The following DLG1 variants were observed in gnomAD, a reference collection of about 807,000 sequenced individuals.
DLG1 encodes the protein discs large MAGUK scaffold protein 1, also known as disks large homolog 1.
Under a neutral mutation model 123.4 loss-of-function variants are expected in DLG1, and 42 were observed. The ratio of observed to expected loss-of-function variants is 0.34; its 90% CI spans 0.27 to 0.44. The LOEUF is 0.44. DLG1 is among the 20% of genes least tolerant of loss of function. The pLI, the probability that DLG1 is intolerant of heterozygous loss-of-function variation, is 1.00. For synonymous variants in DLG1, 317 were observed against 356.2 expected (o/e 0.89, Z 1.24); for missense variants, 942 against 1,082.6 (o/e 0.87, Z 1.82).
chr3:197,297,305 AGAAAACCCTCGCAGCCTATTT>A, intron 1 of DLG1, 70 bp from the exon 2 acceptor site: 1 of 1,580,784 alleles, frequency 6.3e-7, no homozygotes, highest in South Asian at 1.1e-5. Flanking sequence ...CTATCGAAAT[AGAAAACCCTCGCAGCCTATTT>A]GAAAACCCCA....
At chr3:197,099,335 C>A (rs9872902) in intron 14 of DLG1, among the ~76,000 whole-genome samples, 4 of 152,198 alleles carry the variant, frequency 2.6e-5, no homozygotes, top group Non-Finnish European at 5.9e-5. Flanking sequence ...GAAGTGCTAA[C>A]CACTACACCT....
rs1458813176 is a variant in DLG1, at chr3:197,296,780, G to A, written c.20-303C>T. On this transcript the variant is annotated intron_variant, in intron 2 of 24. Coordinates refer to ENST00000667157, the MANE Select transcript of DLG1 (RefSeq NM_001366207.1). ...GATCAAAGTATTAGCAACAGTTTCA[G>A]ATTACCTGATAATGCAAAAGCAGAT... 5 of 329,882 alleles carry A rather than the reference G, an allele frequency of 1.5e-5. 1 individual carries two copies. The highest frequency in any genetic ancestry group is 1.6e-3 in the Middle Eastern group (2 of 1,268). 20.4% of individuals were successfully genotyped at this position (329,882 alleles called of 1,614,324 possible).
chr3:197,257,556 G>A (rs1757410802), intron 4 of DLG1, among the ~76,000 whole-genome samples: 2 of 152,124 alleles, frequency 1.3e-5, no homozygotes, highest in African/African-American at 4.8e-5. Context: ...GCAGAAACAG[G>A]TATGGGTAAA....
intron 11 of DLG1, among the ~76,000 whole-genome samples, chr3:197,127,336 T>G (rs1423632686): frequency 7.0e-6 from 1 of 142,334 alleles, no homozygotes; most frequent in African/African-American, 2.7e-5. Flanking sequence ...GGCAGGAGGA[T>G]CGCTTGAACC....
intron 4 of DLG1, among the ~76,000 whole-genome samples, chr3:197,261,602 A>ACC (rs1008238749): frequency 2.6e-5 from 4 of 152,288 alleles, no homozygotes; most frequent in African/African-American, 9.6e-5. Context: ...TGCCTCTTAT[A>ACC]CCCCATTCCT....
intron 14 of DLG1, among the ~76,000 whole-genome samples, chr3:197,092,587 A>G (rs1486319799): frequency 1.3e-5 from 2 of 152,028 alleles, no homozygotes; most frequent in Admixed American, 6.5e-5. Flanking sequence ...TGCAGGCTTG[A>G]GCTCCTGGGC....
chr3:197,183,524 C>T, intron 5 of DLG1: 2 of 1,482,192 alleles, frequency 1.3e-6, no homozygotes, highest in Non-Finnish European at 9.1e-7. Flanking sequence ...TTTTACAGAG[C>T]AAACGTAAAC....
intron 19 of DLG1, among the ~76,000 whole-genome samples, chr3:197,067,483 A>C (rs1180064441): frequency 1.3e-5 from 2 of 151,910 alleles, no homozygotes; most frequent in African/African-American, 2.4e-5. Context: ...TCTAAATAAA[A>C]GAGTCTACAA....
At chr3:197,063,520 C>T (rs113548605) in intron 22 of DLG1, among the ~76,000 whole-genome samples, 23 of 152,072 alleles carry the variant, frequency 1.5e-4, no homozygotes, top group African/African-American at 4.3e-4. Context: ...TATTTTATAC[C>T]GTAGATATTC....
At position 197,297,241 on chromosome 3, in the gene DLG1, A is replaced by C. The variant is rs1343009837; in HGVS notation, c.-31-6T>G. 6.2e-7 allele frequency: 1 copy of C among 1,613,818 alleles called. No individual in the cohort carries two copies. Among genetic ancestry groups the C allele is most frequent in the African/African-American group, 1.3e-5 (1 of 74,914 alleles). On this transcript the variant is annotated splice_polypyrimidine_tract_variant and splice_region_variant and intron_variant, in intron 1 of 24. Coordinates refer to ENST00000667157, the MANE Select transcript of DLG1 (RefSeq NM_001366207.1). ...ATCAGGAAGAGGGCACACACCTTTA[A>C]AACACACAACGGAAAGGAAAAAGGA...
intron 4 of DLG1, among the ~76,000 whole-genome samples, chr3:197,235,379 T>C (rs1406546785): frequency 1.3e-5 from 2 of 152,164 alleles, no homozygotes; most frequent in Non-Finnish European, 2.9e-5. Context: ...TGAATACTAA[T>C]CAACACGTGA....
At position 197,178,404 on chromosome 3, in the gene DLG1, G is replaced by C. The variant is rs1451110448; in HGVS notation, c.483+16021C>G. Reference sequence around the variant, plus strand: ...TCAGCATCTTAGTGAATGGCATACTGAATAAAGAAGATTGAGACCAATAAA... The same window carrying C: ...TCAGCATCTTAGTGAATGGCATACTCAATAAAGAAGATTGAGACCAATAAA... On this transcript the variant is annotated intron_variant, in intron 5 of 24. Coordinates refer to ENST00000667157, the MANE Select transcript of DLG1 (RefSeq NM_001366207.1). 6.6e-5 allele frequency among the ~76,000 whole-genome samples: 10 copies of C among 152,116 alleles called. 1 individual carries two copies. The highest frequency in any genetic ancestry group is 6.6e-4 in the Admixed American group (10 of 15,260).
At chr3:197,116,335 AC>A (rs1055376095) in intron 12 of DLG1, among the ~76,000 whole-genome samples, 9 of 152,142 alleles carry the variant, frequency 5.9e-5, no homozygotes, top group South Asian at 2.1e-4. Flanking sequence ...CAGAAAAAAA[AC>A]GTGGAAATTT....
intron 4 of DLG1, among the ~76,000 whole-genome samples, chr3:197,262,925 G>C (rs1232679243): frequency 6.6e-6 from 1 of 152,168 alleles, no homozygotes; most frequent in Non-Finnish European, 1.5e-5. Context: ...ATCCCATGCA[G>C]GATATAGCCT....
intron 4 of DLG1, among the ~76,000 whole-genome samples, chr3:197,210,771 T>A (rs1448590680): frequency 6.9e-6 from 1 of 144,482 alleles, no homozygotes; most frequent in Non-Finnish European, 1.6e-5. Flanking sequence ...AGAAACAATA[T>A]CAATTTTACA....
At chr3:197,273,136 A>T (rs913984815) in intron 4 of DLG1, among the ~76,000 whole-genome samples, 1 of 151,352 alleles carries the variant, frequency 6.6e-6, no homozygotes, top group Non-Finnish European at 1.5e-5. Flanking sequence ...ATTTCAGTAA[A>T]TTTTTTGTCA....
At chr3:197,270,514 G>T (rs953694439) in intron 4 of DLG1, among the ~76,000 whole-genome samples, 1 of 152,118 alleles carries the variant, frequency 6.6e-6, no homozygotes, top group Admixed American at 6.6e-5. Context: ...TGAAGAAAAA[G>T]AGTGTTATAG....
chr3:197,053,732 C>G (rs1395214626), intron 23 of DLG1, among the ~76,000 whole-genome samples: 4 of 149,254 alleles, frequency 2.7e-5, no homozygotes, highest in Admixed American at 6.7e-5. Flanking sequence ...TGAGAATGAG[C>G]CACTGCACTC....
At chr3:197,067,206 A>G (rs1162349103) in intron 19 of DLG1, among the ~76,000 whole-genome samples, 2 of 151,998 alleles carry the variant, frequency 1.3e-5, no homozygotes, top group African/African-American at 4.8e-5. Flanking sequence ...TTTATTTTTA[A>G]AATAATTACA....
Sources: gnomAD v4.1 joint callset for allele counts (sites outside exome capture counted in the v4.1 genomes callset) on GRCh38, gnomAD v4.1.1 for gene constraint, MANE v1.5 for transcripts, NCBI Gene and HGNC (gene_info 2026-07-23, HGNC 2026-07-21) for gene names.